Variants in DMD observed in about 807,000 individuals in gnomAD.
DMD encodes the protein mutant dystrophin.
In DMD, 63 loss-of-function variants were observed where a neutral mutation model predicts 330.1. That is an observed-to-expected ratio of 0.19 (90% CI 0.16 to 0.24). The LOEUF is 0.24. Among genes scored for constraint, DMD ranks in the 10% least tolerant of loss-of-function variants. The probability of loss-of-function intolerance (pLI) is 1.00; values close to 1 mark genes in which losing one functional copy is unlikely to be tolerated. For synonymous variants in DMD, 1,223 were observed against 959.8 expected (o/e 1.27, Z -5.07); for missense variants, 3,344 against 2,684.1 (o/e 1.25, Z -5.43).
At chrX:32,562,870 G>C (rs896361842) in intron 16 of DMD, among the ~76,000 whole-genome samples, 2 of 111,520 alleles carry the variant, frequency 1.8e-5, no homozygotes, top group Non-Finnish European at 3.8e-5. Flanking sequence ...AGCCAGCAAA[G>C]ATTTGGATCA....
chrX:31,886,184 G>T (rs1294710572), intron 47 of DMD, among the ~76,000 whole-genome samples: 2 of 110,969 alleles, frequency 1.8e-5, no homozygotes, highest in Non-Finnish European at 3.8e-5. Flanking sequence ...AGACTTGATT[G>T]AATTTTAACT....
rs777958392 is a variant in DMD at position 32,816,624 on chromosome X, T to A, written c.374A>T (p.Lys125Ile). Residue 125 changes from lysine to isoleucine, a missense_variant, in exon 6 of 79, where the codon AAA becomes ATA. By Grantham distance (102) the Lys-to-Ile change is moderately radical (BLOSUM62 -3). Transcript: ENST00000357033. Reference sequence around the variant, plus strand: ...TTGTTGCAATCCAGCCATGATATTTTTCATTACATTTTTGACCTACATGTG... The same window carrying A: ...TTGTTGCAATCCAGCCATGATATTTATCATTACATTTTTGACCTACATGTG... ...ILHWQVKNVM[K>I]NIMAGLQQTN... is the part of the protein sequence containing the mutation. 2 of 1,209,895 alleles carry A rather than the reference T, an allele frequency of 1.7e-6. No individual in the cohort carries two copies. Among genetic ancestry groups the A allele is most frequent in the African/African-American group, 3.5e-5 (2 of 57,271 alleles).
intron 16 of DMD, among the ~76,000 whole-genome samples, chrX:32,561,134 T>A (rs753245006): frequency 4.1e-4 from 46 of 111,416 alleles, no homozygotes; most frequent in Non-Finnish European, 8.1e-4. Flanking sequence ...CTGTCTGGCG[T>A]GAGATGGTGT....
chrX:31,399,167 G>T (rs989899674), intron 60 of DMD, among the ~76,000 whole-genome samples: 1 of 110,357 alleles, frequency 9.1e-6, no homozygotes, highest in African/African-American at 3.3e-5. Context: ...GAGGTCACAT[G>T]AACAAATTGA....
intron 64 of DMD, among the ~76,000 whole-genome samples, chrX:31,216,708 T>G (rs1442655576): frequency 2.7e-5 from 3 of 111,567 alleles, no homozygotes; most frequent in African/African-American, 9.8e-5. Context: ...CATGTTATTG[T>G]GGGTCCTGAG....
intron 1 of DMD, among the ~76,000 whole-genome samples, chrX:33,335,526 A>T (rs2054239881): frequency 9.0e-6 from 1 of 110,807 alleles, no homozygotes; most frequent in Non-Finnish European, 1.9e-5. Context: ...TTAGGATGTT[A>T]TACTTATTCC....
chrX:33,201,611 C>T (rs914878103), intron 1 of DMD, among the ~76,000 whole-genome samples: 1 of 111,901 alleles, frequency 8.9e-6, no homozygotes, highest in Non-Finnish European at 1.9e-5. Flanking sequence ...CTAAATATCA[C>T]ACTGTGGATG....
rs1331587095 is a variant in DMD, at chrX:31,967,298, GT to G, written c.6614+1040del. On this transcript the variant is annotated intron_variant, in intron 45 of 78. Coordinates refer to ENST00000357033, the MANE Select transcript of DMD (RefSeq NM_004006.3). ...TATAATTCTTTAACTTTGGCAAGGG[GT>G]GTGTGTGTGTGTGTGTGTGTGTGTG... Among the ~76,000 whole-genome samples the G allele has an allele frequency of 7.7e-3, 36 of 4,656 alleles. 1 individual carries two copies. In the South Asian group the frequency reaches 0.099, roughly 13 times the overall value. 4.0% of individuals were successfully genotyped at this position (4,656 alleles called of 115,157 possible).
intron 54 of DMD, among the ~76,000 whole-genome samples, chrX:31,649,833 A>AT (rs766455776): frequency 2.0e-4 from 22 of 111,659 alleles, no homozygotes; most frequent in Non-Finnish European, 3.4e-4. Context: ...ATTTTTTAAC[A>AT]TACCAAATCC....
intron 9 of DMD, among the ~76,000 whole-genome samples, chrX:32,695,524 T>G (rs973463124): frequency 6.3e-5 from 7 of 111,420 alleles, no homozygotes; most frequent in African/African-American, 2.3e-4. Flanking sequence ...CGAAAAAAAT[T>G]GTATTATTAG....
chrX:32,209,227 T>TTG (rs1049797297), intron 44 of DMD, among the ~76,000 whole-genome samples: 4 of 111,222 alleles, frequency 3.6e-5, no homozygotes, highest in African/African-American at 1.3e-4. Context: ...GAGTTCAATT[T>TTG]TGTGTGTGTG....
intron 54 of DMD, among the ~76,000 whole-genome samples, chrX:31,628,941 T>TATATATA (rs1319231616): frequency 2.9e-5 from 3 of 102,211 alleles, no homozygotes; most frequent in African/African-American, 1.0e-4. Context: ...TATATATATA[T>TATATATA]AAAATGCATG....
intron 41 of DMD, among the ~76,000 whole-genome samples, chrX:32,337,075 T>G (rs2097719115): frequency 9.0e-6 from 1 of 110,800 alleles, no homozygotes; most frequent in South Asian, 3.8e-4. Context: ...GAAGAAGAGG[T>G]TAGAGGTTGT....
At chrX:31,417,655 C>T (rs751167948) in intron 60 of DMD, among the ~76,000 whole-genome samples, 3 of 109,868 alleles carry the variant, frequency 2.7e-5, no homozygotes, top group Non-Finnish European at 5.7e-5. Flanking sequence ...ATATAACTAT[C>T]TATAACTAAT....
intron 18 of DMD, among the ~76,000 whole-genome samples, chrX:32,502,060 T>C (rs2044113020): frequency 8.9e-6 from 1 of 112,001 alleles, no homozygotes; most frequent in African/African-American, 3.2e-5. Context: ...CTTTTAATTA[T>C]AAGATTTCTA....
intron 7 of DMD, among the ~76,000 whole-genome samples, chrX:32,775,013 A>T (rs1402149501): frequency 2.7e-5 from 3 of 112,345 alleles, no homozygotes; most frequent in Non-Finnish European, 5.6e-5. Flanking sequence ...TTTCCATTCT[A>T]AATGGGGGAA....
chrX:32,557,787 C>T (rs2050476208), intron 16 of DMD, among the ~76,000 whole-genome samples: 1 of 111,036 alleles, frequency 9.0e-6, no homozygotes, highest in Non-Finnish European at 1.9e-5. Flanking sequence ...AGCTGAGTTA[C>T]TAATCACAAG....
chrX:33,039,858 G>C (rs770578000), intron 1 of DMD, among the ~76,000 whole-genome samples: 59 of 110,448 alleles, frequency 5.3e-4, no homozygotes, highest in African/African-American at 1.9e-3. Flanking sequence ...GAAAAAGCAG[G>C]GTGATCTATA....
At chrX:33,155,686 T>C (rs1206655335) in intron 1 of DMD, among the ~76,000 whole-genome samples, 8 of 110,317 alleles carry the variant, frequency 7.3e-5, no homozygotes, top group Middle Eastern at 9.3e-3. Flanking sequence ...TAGCCGGGCA[T>C]GGTGGCTCGT....
Sources: allele counts gnomAD v4.1 joint callset (sites outside exome capture counted in the v4.1 genomes callset), GRCh38; gene constraint gnomAD v4.1.1; transcripts MANE v1.5; gene names NCBI Gene and HGNC (gene_info 2026-07-23, HGNC 2026-07-21).